Variants in C7orf78 observed in about 807,000 individuals in gnomAD.
C7orf78 encodes putative uncharacterized protein C7orf78.
At chr7:12,530,852 T>C in the C7orf78 span, among the ~76,000 whole-genome samples, 2 of 152,226 alleles carry the variant, frequency 1.3e-5, no homozygotes, top group South Asian at 4.1e-4. Flanking sequence ...CACATAAGGA[T>C]GCTTCGTAAG....
the C7orf78 span, among the ~76,000 whole-genome samples, chr7:12,532,114 T>C: frequency 1.3e-5 from 2 of 152,156 alleles, no homozygotes; most frequent in Non-Finnish European, 2.9e-5. Context: ...AGCCGCCATT[T>C]TGAACATGCC....
the C7orf78 span, among the ~76,000 whole-genome samples, chr7:12,489,659 G>A: frequency 6.6e-6 from 1 of 152,048 alleles, no homozygotes; most frequent in Non-Finnish European, 1.5e-5. Context: ...GGAGGCTAGA[G>A]GGCAAGACAA....
chr7:12,497,128 T>G, the C7orf78 span, among the ~76,000 whole-genome samples: 1 of 152,182 alleles, frequency 6.6e-6, no homozygotes, highest in Non-Finnish European at 1.5e-5. Flanking sequence ...ACCCAAGTCA[T>G]AGGAGATTTT....
the C7orf78 span, among the ~76,000 whole-genome samples, chr7:12,486,297 T>A: frequency 6.6e-6 from 1 of 152,020 alleles, no homozygotes; most frequent in African/African-American, 2.4e-5. Context: ...ATAGTCCATG[T>A]AAAGTTCTAT....
At chr7:12,520,677 G>C in the C7orf78 span, among the ~76,000 whole-genome samples, 3 of 152,288 alleles carry the variant, frequency 2.0e-5, no homozygotes, top group South Asian at 2.1e-4. Flanking sequence ...TTACATTTGC[G>C]AATGAGAAGA....
chr7:12,541,878 A>G, the C7orf78 span: 2 of 152,198 alleles, frequency 1.3e-5, no homozygotes, highest in Non-Finnish European at 2.9e-5. Flanking sequence ...ATCTCCAAGT[A>G]ACAGAAATAA....
the C7orf78 span, among the ~76,000 whole-genome samples, chr7:12,504,061 AC>A: frequency 1.4e-4 from 22 of 152,220 alleles, no homozygotes; most frequent in African/African-American, 4.1e-4. Flanking sequence ...AATTAAGTCA[AC>A]CTTCTTAAGC....
chr7:12,526,367 A>G, the C7orf78 span, among the ~76,000 whole-genome samples: 8 of 152,164 alleles, frequency 5.3e-5, no homozygotes, highest in Non-Finnish European at 1.0e-4. Flanking sequence ...ACACACATGC[A>G]TGCTATAATT....
chr7:12,488,955 C>G, the C7orf78 span, among the ~76,000 whole-genome samples: 47 of 140,716 alleles, frequency 3.3e-4, no homozygotes, highest in East Asian at 6.3e-3. Flanking sequence ...AGAAGAGTTT[C>G]CGTATATTTG....
chr7:12,531,459 A>G, the C7orf78 span, among the ~76,000 whole-genome samples: 33,179 of 151,910 alleles, frequency 0.22, 4,145 homozygotes, highest in African/African-American at 0.33. Context: ...AGAGTAATCC[A>G]CCTGTAATTT....
At chr7:12,496,177 G>A in the C7orf78 span, among the ~76,000 whole-genome samples, 3 of 152,086 alleles carry the variant, frequency 2.0e-5, no homozygotes, top group Non-Finnish European at 2.9e-5. Context: ...CGCCGCCCTC[G>A]GCCTCCCAAA....
the C7orf78 span, among the ~76,000 whole-genome samples, chr7:12,526,816 C>G: frequency 2.6e-4 from 31 of 117,120 alleles, no homozygotes; most frequent in Middle Eastern, 5.7e-3. Flanking sequence ...CACTCACTTT[C>G]GTAGAAAATG....
chr7:12,512,210 A>T, the C7orf78 span, among the ~76,000 whole-genome samples: 1 of 152,030 alleles, frequency 6.6e-6, no homozygotes, highest in Non-Finnish European at 1.5e-5. Flanking sequence ...TCTGGCTAAG[A>T]CTTCCAGTAT....
the C7orf78 span, among the ~76,000 whole-genome samples, chr7:12,512,146 A>G: frequency 6.6e-6 from 1 of 151,936 alleles, no homozygotes; most frequent in African/African-American, 2.4e-5. Context: ...AATATAAAAT[A>G]GAATTTGACT....
At chr7:12,504,899 G>A in the C7orf78 span, among the ~76,000 whole-genome samples, 1 of 152,022 alleles carries the variant, frequency 6.6e-6, no homozygotes, top group African/African-American at 2.4e-5. Context: ...AAGGTATCAA[G>A]TGTATCTGTA....
chr7:12,534,901 C>T, the C7orf78 span, among the ~76,000 whole-genome samples: 1 of 151,498 alleles, frequency 6.6e-6, no homozygotes, highest in Admixed American at 6.6e-5. Context: ...CTGCAGTGTT[C>T]TCTCCACTGC....
chr7:12,500,448 A>T, the C7orf78 span, among the ~76,000 whole-genome samples: 1 of 150,524 alleles, frequency 6.6e-6, no homozygotes, highest in Non-Finnish European at 1.5e-5. Context: ...AATACTACAA[A>T]CACCTCTACG....
chr7:12,499,056 G>A, the C7orf78 span, among the ~76,000 whole-genome samples: 1 of 151,914 alleles, frequency 6.6e-6, no homozygotes, highest in Non-Finnish European at 1.5e-5. Flanking sequence ...TCACCACCAG[G>A]CCTGCCCTAA....
chr7:12,541,514 A>T, the C7orf78 span: 5 of 152,190 alleles, frequency 3.3e-5, no homozygotes, highest in African/African-American at 1.2e-4. Flanking sequence ...TTCCCAGAGG[A>T]TGTCATCCAA....
Sources: allele counts gnomAD v4.1 joint callset (sites outside exome capture counted in the v4.1 genomes callset), GRCh38; gene constraint gnomAD v4.1.1; transcripts MANE v1.5; gene names NCBI Gene and HGNC (gene_info 2026-07-23, HGNC 2026-07-21).